ZNF324B: variants seen among roughly 807,000 people sequenced by gnomAD.
ZNF324B encodes zinc finger protein 324B.
Under a neutral mutation model 10.6 loss-of-function variants are expected in ZNF324B, and 7 were observed. The ratio of observed to expected loss-of-function variants is 0.66; its 90% confidence interval spans 0.38 to 1.24. ZNF324B has a LOEUF of 1.24. ZNF324B is among the 50% of genes most tolerant of loss of function. The pLI is 0.02. For missense variants in ZNF324B, 640 were observed against 764.7 expected (o/e 0.84, Z 1.92); for synonymous variants, 316 against 321.0 (o/e 0.98, Z 0.17).
At chr19:58,446,047 A>C in the ZNF324B span, among the ~76,000 whole-genome samples, 2 of 152,232 alleles carry the variant, frequency 1.3e-5, no homozygotes, top group Non-Finnish European at 2.9e-5. Flanking sequence ...AGGCAGGAGA[A>C]TCACTTGATC....
chr19:58,453,940 C>G, intron 2 of ZNF324B, 118 bp downstream of exon 2: 7 of 1,446,176 alleles, frequency 4.8e-6, no homozygotes, highest in Non-Finnish European at 6.5e-6. Context: ...GAACAAGGGT[C>G]TGGTCCTGTA....
chr19:58,435,589 C>A, the ZNF324B span: 1 of 169,290 alleles, frequency 5.9e-6, no homozygotes, highest in Non-Finnish European at 1.3e-5. Context: ...ACTAGCATAG[C>A]TATAATAAAA....
chr19:58,425,729 C>T, the ZNF324B span, among the ~76,000 whole-genome samples: 1 of 152,138 alleles, frequency 6.6e-6, no homozygotes. Context: ...CCTGGGCCTC[C>T]CAAAGTGCTG....
At chr19:58,427,310 T>TCTTTCTTTCTTTC in the ZNF324B span, among the ~76,000 whole-genome samples, 1 of 75,074 alleles carries the variant, frequency 1.3e-5, no homozygotes, top group South Asian at 4.3e-4. Context: ...TTTCTTTCTT[T>TCTTTCTTTCTTTC]CTTTCTTTCT....
the ZNF324B span, among the ~76,000 whole-genome samples, chr19:58,424,698 G>A: frequency 6.6e-6 from 1 of 152,132 alleles, no homozygotes; most frequent in Non-Finnish European, 1.5e-5. Context: ...ATAAAAGCCG[G>A]GTATGGTGGA....
chr19:58,446,840 G>T (rs1348163353), upstream of ZNF324B, among the ~76,000 whole-genome samples: 1 of 151,996 alleles, frequency 6.6e-6, no homozygotes, highest in African/African-American at 2.4e-5. Context: ...CTCCCAAAGT[G>T]CTGGGATTAC....
Position 58,456,840 on chromosome 19 carries a change from G to A in ZNF324B, c.*261G>A. The A allele has an allele frequency of 1.8e-6, 1 of 569,954 alleles. No homozygotes were observed. Among genetic ancestry groups the A allele is most frequent in the South Asian group, 2.3e-5 (1 of 43,996 alleles). 35.3% of individuals were successfully genotyped at this position (569,954 alleles called of 1,614,324 possible). A position where few individuals can be genotyped will look rare whatever the true frequency, so the allele number is the denominator to read the frequency against. ...ACATGTCAGCTGGAACTCTGGTGGGGCTGAGGCTGTAGTTGGGGCCATAGG... is the reference window on the plus strand; with the variant it reads ...ACATGTCAGCTGGAACTCTGGTGGGACTGAGGCTGTAGTTGGGGCCATAGG... On this transcript the variant is annotated 3_prime_UTR_variant, in exon 4 of 4. Coordinates refer to ENST00000336614, the MANE Select transcript of ZNF324B (RefSeq NM_207395.3). The surrounding 1 kb of genome is among the most constrained non-coding windows in gnomAD (Gnocchi z 4.7).
At chr19:58,452,801 G>T (rs2052873517) in intron 1 of ZNF324B, 4 of 242,688 alleles carry the variant, frequency 1.6e-5, no homozygotes, top group Non-Finnish European at 2.6e-5. Context: ...AACCGGCTGG[G>T]GTGCCTGAGG....
At chr19:58,427,360 T>TTC in the ZNF324B span, among the ~76,000 whole-genome samples, 47 of 45,270 alleles carry the variant, frequency 1.0e-3, no homozygotes, top group African/African-American at 2.7e-3. Context: ...CTTTCTTTCT[T>TTC]TCTTTCTTTC....
intron 1 of ZNF324B, 31 bp downstream of exon 1, chr19:58,451,735 C>A: frequency 2.2e-6 from 1 of 448,268 alleles, no homozygotes; most frequent in South Asian, 1.5e-5. Flanking sequence ...GCCGCGCCCC[C>A]AAGCCTCGGT....
the ZNF324B span, among the ~76,000 whole-genome samples, chr19:58,426,387 G>A: frequency 6.6e-6 from 1 of 152,186 alleles, no homozygotes; most frequent in African/African-American, 2.4e-5. Flanking sequence ...CATATTGATG[G>A]AGAGTTTTCT....
chr19:58,431,466 G>T, the ZNF324B span, among the ~76,000 whole-genome samples: 3 of 152,138 alleles, frequency 2.0e-5, no homozygotes, highest in Non-Finnish European at 4.4e-5. Context: ...TTGCTATGTT[G>T]CCCTGGATGG....
chr19:58,449,613 G>A (rs1042922722), upstream of ZNF324B, among the ~76,000 whole-genome samples: 2 of 152,250 alleles, frequency 1.3e-5, no homozygotes. Context: ...ACCTGGATGT[G>A]AGACATGGAG....
chr19:58,434,980 G>T, the ZNF324B span: 1 of 1,614,172 alleles, frequency 6.2e-7, no homozygotes, highest in Admixed American at 1.7e-5. Flanking sequence ...GTGAAGGTTT[G>T]CATTCAACCA....
chr19:58,427,433 T>TC, the ZNF324B span, among the ~76,000 whole-genome samples: 7 of 35,478 alleles, frequency 2.0e-4, no homozygotes, highest in Admixed American at 2.8e-4. Flanking sequence ...CTTCCTTCCT[T>TC]CCTTCCTTCC....
At chr19:58,450,695 G>C (rs2052849828), upstream of ZNF324B, among the ~76,000 whole-genome samples, 1 of 152,140 alleles carries the variant, frequency 6.6e-6, no homozygotes, top group Non-Finnish European at 1.5e-5. Context: ...TATAGATGGA[G>C]GTGGGTATAG....
Position 58,455,691 on chromosome 19 carries a change from T to C in ZNF324B, c.747T>C (p.Ala249=), listed in dbSNP as rs1003704585. 6.2e-7 allele frequency: 1 copy of C among 1,613,364 alleles called. No individual in the cohort carries two copies. The highest frequency in any genetic ancestry group is 1.3e-5 in the African/African-American group (1 of 74,876). ...CGACCTGGGACGAGCTGGGCGAGGCTCTTCACGCTGGGGAGAAGTCCTTCG... is the reference window on the plus strand; with the variant it reads ...CGACCTGGGACGAGCTGGGCGAGGCCCTTCACGCTGGGGAGAAGTCCTTCG... ...EPSTWDELGE[A]LHAGEKSFEC... Residue 249 remains alanine (A), a synonymous_variant, in exon 4 of 4, where the codon GCT becomes GCC. Coordinates refer to ENST00000336614, the MANE Select transcript of ZNF324B (RefSeq NM_207395.3). The surrounding 1 kb of genome is among the most constrained non-coding windows in gnomAD (Gnocchi z 7.0).
At chr19:58,427,465 C>CCTTT in the ZNF324B span, among the ~76,000 whole-genome samples, 86 of 97,252 alleles carry the variant, frequency 8.8e-4, no homozygotes, top group Middle Eastern at 3.8e-3. Context: ...TTCCTTCCTT[C>CCTTT]CTTCCTTCCT....
At chr19:58,439,629 G>A in the ZNF324B span, 20 of 997,044 alleles carry the variant, frequency 2.0e-5, no homozygotes, top group Non-Finnish European at 2.8e-5. Context: ...CCAGGGCAGG[G>A]CCCAGGACCC....
Sources: gnomAD v4.1 joint callset for allele counts (sites outside exome capture counted in the v4.1 genomes callset) on GRCh38, gnomAD v4.1.1 for gene constraint, Gnocchi (gnomAD v3.1) non-coding constraint, MANE v1.5 for transcripts, NCBI Gene and HGNC (gene_info 2026-07-23, HGNC 2026-07-21) for gene names.